Variants in USP8 observed in about 807,000 individuals in gnomAD.
USP8 encodes ubiquitin specific peptidase 8.
A neutral mutation model predicts 130.0 loss-of-function variants in USP8; 27 were observed. The observed-to-expected ratio is 0.21, with a 90% CI of 0.15 to 0.29. The LOEUF is 0.29. USP8 is among the 10% of genes least tolerant of loss of function. The pLI is 1.00. For synonymous variants in USP8, 392 were observed against 444.1 expected (o/e 0.88, Z 1.48); for missense variants, 1,029 against 1,312.2 (o/e 0.78, Z 3.33).
At chr15:50,427,859 CT>C (rs879311184) in intron 1 of USP8, among the ~76,000 whole-genome samples, 231 of 137,902 alleles carry the variant, frequency 1.7e-3, no homozygotes, top group African/African-American at 3.7e-3. Context: ...ATACCTGGCC[CT>C]TTTTTTTTTT....
At chr15:50,441,062 T>C (rs1331990031) in intron 2 of USP8, among the ~76,000 whole-genome samples, 2 of 151,382 alleles carry the variant, frequency 1.3e-5, no homozygotes, top group African/African-American at 4.9e-5. Flanking sequence ...ACAATAGGGT[T>C]CGTGCTCCTA....
At position 50,514,096 on chromosome 15, in the gene USP8, T is replaced by C. The variant is rs1320566127; in HGVS notation, c.*15008T>C. On this transcript the variant is annotated 3_prime_UTR_variant, in exon 20 of 20. Transcript: ENST00000307179. Reference sequence around the variant, plus strand: ...CTATACAGCAATGAGAATGAATAAATTACAATATAAACAACAATATGGATG... The same window carrying C: ...CTATACAGCAATGAGAATGAATAAACTACAATATAAACAACAATATGGATG... The C allele has an allele frequency of 1.3e-5, 2 of 152,136 alleles. No homozygotes were observed. Among genetic ancestry groups the C allele is most frequent in the Non-Finnish European group, 2.9e-5 (2 of 68,022 alleles). 9.4% of individuals were successfully genotyped at this position (152,136 alleles called of 1,614,324 possible).
At chr15:50,425,406 G>A (rs1025095136) in intron 1 of USP8, among the ~76,000 whole-genome samples, 1 of 152,220 alleles carries the variant, frequency 6.6e-6, no homozygotes, top group East Asian at 1.9e-4. Flanking sequence ...GGCTTGCTCT[G>A]CTGCGGCTTT....
chr15:50,464,215 A>G (rs1256463329), intron 6 of USP8, among the ~76,000 whole-genome samples: 1 of 152,180 alleles, frequency 6.6e-6, no homozygotes, highest in Non-Finnish European at 1.5e-5. Context: ...ACAGATGGCC[A>G]TAGTTTTTCA....
At chr15:50,450,792 A>C (rs2050607437) in intron 4 of USP8, among the ~76,000 whole-genome samples, 1 of 152,168 alleles carries the variant, frequency 6.6e-6, no homozygotes, top group Non-Finnish European at 1.5e-5. Flanking sequence ...TTTAAAATTT[A>C]AATTGTTTCC....
chr15:50,448,039 G>A (rs1413471462), intron 3 of USP8, among the ~76,000 whole-genome samples: 1 of 152,008 alleles, frequency 6.6e-6, no homozygotes, highest in Non-Finnish European at 1.5e-5. Flanking sequence ...CACCGCACAT[G>A]GCCTACTGTT....
chr15:50,484,619 TA>T (rs1326524320), intron 12 of USP8, among the ~76,000 whole-genome samples: 1 of 152,168 alleles, frequency 6.6e-6, no homozygotes, highest in Non-Finnish European at 1.5e-5. Flanking sequence ...GTTTAGGCCT[TA>T]CCATATGATC....
chr15:50,501,429 G>A lies in USP8; in HGVS notation c.*2341G>A, dbSNP rs1239174511. ...GTCGAGGCTGCAATGAGCCGTGATT[G>A]TACCACTGCACTCCAGCCTGGGTGA... On this transcript the variant is annotated 3_prime_UTR_variant, in exon 20 of 20. Transcript: ENST00000307179. The A allele has an allele frequency of 6.6e-6, 1 of 151,728 alleles. No individual in the cohort carries two copies. Among genetic ancestry groups the A allele is most frequent in the Admixed American group, 6.6e-5 (1 of 15,216 alleles). The allele number at this position is 151,728 out of a possible 1,614,324, so 9.4% of individuals were successfully genotyped here.
At chr15:50,482,608 C>G (rs187729394) in intron 11 of USP8, among the ~76,000 whole-genome samples, 1 of 152,184 alleles carries the variant, frequency 6.6e-6, no homozygotes, top group Non-Finnish European at 1.5e-5. Context: ...GCTACACACC[C>G]AAAATTGATA....
intron 1 of USP8, among the ~76,000 whole-genome samples, chr15:50,436,304 C>T (rs1359590644): frequency 6.6e-6 from 1 of 150,700 alleles, no homozygotes; most frequent in Non-Finnish European, 1.5e-5. Context: ...TTTGAAAAAC[C>T]TTCCCCCACC....
chr15:50,481,957 G>T lies in USP8; in HGVS notation c.1695G>T (p.Lys565Asn), dbSNP rs750569680. 11 of 1,606,054 alleles carry T rather than the reference G, an allele frequency of 6.8e-6. No homozygotes were observed. The highest frequency in any genetic ancestry group is 9.3e-6 in the Non-Finnish European group (11 of 1,178,054). ...SKSEHETSDA[K>N]KSVEDRGKRC... The stretch of plus-strand genomic sequence containing the variant: ...GTGAACATGAAACTTCTGATGCCAA[G>T]AAATCTGTAGAAGATAGGGGGAAAA... The change falls in exon 11 of 20, where the codon AAG becomes AAT. Residue 565 changes from lysine to asparagine, a missense_variant. Coordinates refer to ENST00000307179, the MANE Select transcript of USP8 (RefSeq NM_005154.5).
chr15:50,477,073 T>C, intron 9 of USP8, 80 bp downstream of exon 9: 1 of 1,547,068 alleles, frequency 6.5e-7, no homozygotes. Flanking sequence ...CATTCTTGGT[T>C]GTGTGTGTAT....
intron 1 of USP8, among the ~76,000 whole-genome samples, chr15:50,426,222 A>G (rs1265463330): frequency 6.6e-6 from 1 of 152,214 alleles, no homozygotes; most frequent in East Asian, 1.9e-4. Context: ...AATTTTTTTC[A>G]TAAGTCTAGC....
At chr15:50,446,864 C>G (rs533875619) in intron 3 of USP8, among the ~76,000 whole-genome samples, 18 of 152,312 alleles carry the variant, frequency 1.2e-4, no homozygotes, top group African/African-American at 4.3e-4. Flanking sequence ...CTCCTGGGTA[C>G]AAGCTATCCA....
At position 50,495,896 on chromosome 15, in the gene USP8, G is replaced by A; in HGVS notation, c.2707G>A (p.Asp903Asn). 1 of 1,613,786 alleles carries A rather than the reference G, an allele frequency of 6.2e-7. No individual in the cohort carries two copies. The highest frequency in any genetic ancestry group is 8.5e-7 in the Non-Finnish European group (1 of 1,179,948). Reference sequence around the variant, plus strand: ...AGAAGAAAATAATGATCATCTCGATGACTTTAAAGCTGCAGAACATGCCTG... The same window carrying A: ...AGAAGAAAATAATGATCATCTCGATAACTTTAAAGCTGCAGAACATGCCTG... Reference protein sequence around the residue: ...YKEENNDHLDDFKAAEHAWQK... With the variant: ...YKEENNDHLDNFKAAEHAWQK... Residue 903 changes from aspartate (D) to asparagine (N), a missense_variant, in exon 17 of 20, where the codon GAC becomes AAC. Asp to Asn is a conservative substitution (Grantham distance 23). This residue lies in a region of USP8 where 257 missense variants were observed against 429.8 expected (regional missense o/e 0.60). Coordinates refer to ENST00000307179, the MANE Select transcript of USP8 (RefSeq NM_005154.5).
chr15:50,437,332 G>A (rs577442397), intron 1 of USP8, among the ~76,000 whole-genome samples: 116 of 152,110 alleles, frequency 7.6e-4, no homozygotes, highest in Admixed American at 1.0e-3. Context: ...ATAATGTTGC[G>A]TTTAACATTT....
intron 1 of USP8, among the ~76,000 whole-genome samples, chr15:50,426,343 C>T (rs1021844999): frequency 6.6e-6 from 1 of 152,242 alleles, no homozygotes; most frequent in Non-Finnish European, 1.5e-5. Context: ...ATTAAGGAAA[C>T]ATTTAAAAAA....
intron 3 of USP8, among the ~76,000 whole-genome samples, chr15:50,444,001 G>A (rs1456566447): frequency 6.6e-6 from 1 of 151,922 alleles, no homozygotes; most frequent in Admixed American, 6.6e-5. Context: ...TTAAAACGCA[G>A]TGTAAGTGGT....
chr15:50,439,794 A>C lies in USP8; in HGVS notation c.104+617A>C, dbSNP rs112571144. ...AATAAGAGCGAAACTCTGTCTCAAT[A>C]ATAATAATAATAATAATAATAATAA... On this transcript the variant is annotated intron_variant, in intron 2 of 19. Coordinates refer to ENST00000307179, the MANE Select transcript of USP8 (RefSeq NM_005154.5). 4.0e-3 allele frequency among the ~76,000 whole-genome samples: 322 copies of C among 79,678 alleles called. 2 individuals carry two copies. Among genetic ancestry groups the C allele is most frequent in the South Asian group, 0.011 (30 of 2,710 alleles). The allele number at this position is 79,678 out of a possible 152,430, so 52.3% of individuals were successfully genotyped here.
Sources: gnomAD v4.1 joint callset for allele counts (sites outside exome capture counted in the v4.1 genomes callset) on GRCh38, gnomAD v4.1.1 for gene constraint, gnomAD v4.1.1 regional missense constraint, MANE v1.5 for transcripts, NCBI Gene and HGNC (gene_info 2026-07-23, HGNC 2026-07-21) for gene names.